SLC7A6: variants seen among roughly 807,000 people sequenced by gnomAD.
The protein encoded by SLC7A6 is solute carrier family 7 member 6.
SLC7A6 carries 29 observed loss-of-function variants against 46.6 expected under a neutral mutation model. That is an observed-to-expected ratio of 0.62 (90% CI 0.46 to 0.85). SLC7A6 has a LOEUF of 0.85. SLC7A6 is among the 40% of genes least tolerant of loss of function. The pLI is 0.00. For synonymous variants in SLC7A6, 276 were observed against 257.3 expected (o/e 1.07, Z -0.70); for missense variants, 527 against 647.6 (o/e 0.81, Z 2.02).
chr16:68,301,027 GT>G lies in SLC7A6; in HGVS notation c.*3708del, dbSNP rs904540749. ...CTAAAGAAACCTTCCTTTTTTCAAC[GT>G]TTTTTTTTCTTTCAAACTGTAGGGT... On this transcript the variant is annotated 3_prime_UTR_variant, in exon 11 of 11. Transcript: ENST00000219343. 34 of 1,145,246 alleles carry G rather than the reference GT, an allele frequency of 3.0e-5. No homozygotes were observed. The highest frequency in any genetic ancestry group is 1.4e-4 in the Admixed American group (3 of 21,170). 70.9% of individuals were successfully genotyped at this position (1,145,246 alleles called of 1,614,324 possible). A position where few individuals can be genotyped will look rare whatever the true frequency, so the allele number is the denominator to read the frequency against.
At chr16:68,282,769 C>T (rs1210896445) in intron 3 of SLC7A6, among the ~76,000 whole-genome samples, 1 of 152,122 alleles carries the variant, frequency 6.6e-6, no homozygotes, top group Non-Finnish European at 1.5e-5. Flanking sequence ...AGGCATACGC[C>T]ACTATGCCCA....
At chr16:68,277,241 C>G (rs1596978981) in intron 3 of SLC7A6, among the ~76,000 whole-genome samples, 1 of 151,656 alleles carries the variant, frequency 6.6e-6, no homozygotes, top group Admixed American at 6.6e-5. Context: ...CGCCCACCAC[C>G]ACGCCCAGCT....
At chr16:68,286,549 C>T (rs2042938716) in intron 3 of SLC7A6, among the ~76,000 whole-genome samples, 1 of 152,124 alleles carries the variant, frequency 6.6e-6, no homozygotes, top group Non-Finnish European at 1.5e-5. Flanking sequence ...ATTTGAGGTG[C>T]ACATAAAAGT....
intron 5 of SLC7A6, 125 bp from the exon 6 acceptor site, chr16:68,291,084 C>T: frequency 8.1e-7 from 1 of 1,232,390 alleles, no homozygotes; most frequent in Middle Eastern, 1.9e-4. Flanking sequence ...GGAAGGTGAG[C>T]CTCCCTCAAA....
chr16:68,275,170 C>G lies in SLC7A6; in HGVS notation c.444C>G (p.Ala148=). ...TGQAIIAITF[A]NYIIQPSFPS... ...AGGCCATCATCGCCATCACCTTTGC[C>G]AACTACATCATCCAGCCGTCCTTCC... Residue 148 remains alanine (A), a synonymous_variant, in exon 3 of 11, where the codon GCC becomes GCG. Coordinates refer to ENST00000219343, the MANE Select transcript of SLC7A6 (RefSeq NM_003983.6). The G allele has an allele frequency of 5.6e-6, 9 of 1,614,006 alleles. No individual in the cohort carries two copies. The highest frequency in any genetic ancestry group is 7.6e-6 in the Non-Finnish European group (9 of 1,180,016).
intron 3 of SLC7A6, 198 bp from the exon 4 acceptor site, chr16:68,287,548 G>A: frequency 6.9e-7 from 1 of 1,441,968 alleles, no homozygotes; most frequent in Admixed American, 2.4e-5. Context: ...AGCACCAGTA[G>A]TGATGGAAGT....
chr16:68,277,116 T>C (rs1391779044), intron 3 of SLC7A6, among the ~76,000 whole-genome samples: 2 of 151,918 alleles, frequency 1.3e-5, no homozygotes, highest in African/African-American at 4.8e-5. Context: ...AGATAGAGTC[T>C]TGCTCTGTCA....
chr16:68,274,136 C>T (rs527465345), intron 2 of SLC7A6, among the ~76,000 whole-genome samples: 2 of 152,190 alleles, frequency 1.3e-5, no homozygotes, highest in Non-Finnish European at 2.9e-5. Flanking sequence ...ATCTTCCTCG[C>T]CCTTCCCATC....
chr16:68,296,282 A>G, intron 8 of SLC7A6, 82 bp from the exon 9 acceptor site: 2 of 1,505,674 alleles, frequency 1.3e-6, no homozygotes, highest in Non-Finnish European at 1.8e-6. Flanking sequence ...CATCAGATCT[A>G]GTACTGACTG....
intron 1 of SLC7A6, among the ~76,000 whole-genome samples, chr16:68,266,216 C>T (rs534559071): frequency 5.3e-5 from 8 of 152,032 alleles, no homozygotes; most frequent in East Asian, 1.9e-4. Flanking sequence ...GCCAAGATTG[C>T]GCCATTGCAC....
chr16:68,286,454 G>T (rs1006567932), intron 3 of SLC7A6, among the ~76,000 whole-genome samples: 1 of 152,194 alleles, frequency 6.6e-6, no homozygotes, highest in Non-Finnish European at 1.5e-5. Context: ...GTAAGAGAGA[G>T]AGTCTGGCTG....
intron 5 of SLC7A6, chr16:68,291,001 T>G: frequency 1.7e-6 from 1 of 587,968 alleles, no homozygotes; most frequent in Non-Finnish European, 3.0e-6. Flanking sequence ...GTGGCAAAGA[T>G]TAAATATTGA....
intron 7 of SLC7A6, among the ~76,000 whole-genome samples, chr16:68,293,047 G>C (rs1394358979): frequency 1.3e-5 from 2 of 152,154 alleles, no homozygotes; most frequent in Non-Finnish European, 2.9e-5. Flanking sequence ...CTTTTTACTG[G>C]TTTTCACACA....
At position 68,291,992 on chromosome 16, in the gene SLC7A6, TTGTGTGCTGGTAGCTCATGTTTC is replaced by T. The variant is rs2043065270; in HGVS notation, c.1022+332_1022+354del. On this transcript the variant is annotated intron_variant, in intron 7 of 10. Coordinates refer to ENST00000219343, the MANE Select transcript of SLC7A6 (RefSeq NM_003983.6). ...TGTTTATGTGCTGGTAGCTCATGTTTTGTGTGCTGGTAGCTCATGTTTCCATCTGAGATGAGGACAGATTGATG... is the reference window on the plus strand; with the variant it reads ...TGTTTATGTGCTGGTAGCTCATGTTTCATCTGAGATGAGGACAGATTGATG... 54 of 268,436 alleles carry T rather than the reference TTGTGTGCTGGTAGCTCATGTTTC, an allele frequency of 2.0e-4. No individual in the cohort carries two copies. The South Asian group carries it at 3.0e-3, about 15-fold the overall frequency. The allele number at this position is 268,436 out of a possible 1,614,324, so 16.6% of individuals were successfully genotyped here.
chr16:68,287,242 T>C, intron 3 of SLC7A6: 1 of 1,069,294 alleles, frequency 9.4e-7, no homozygotes, highest in Non-Finnish European at 1.2e-6. Flanking sequence ...TTTCCCAAAG[T>C]GCTGGGATTA....
intron 2 of SLC7A6, among the ~76,000 whole-genome samples, chr16:68,271,742 A>G (rs1227283175): frequency 6.6e-6 from 1 of 152,186 alleles, no homozygotes; most frequent in Non-Finnish European, 1.5e-5. Context: ...GGTGTTTAGC[A>G]AAGAGGTAGG....
At position 68,300,752 on chromosome 16, in the gene SLC7A6, T is replaced by TA. The variant is rs1310765840; in HGVS notation, c.*3428dup. 1.0e-6 allele frequency: 1 copy of TA among 985,384 alleles called. No individual in the cohort carries two copies. Among genetic ancestry groups the TA allele is most frequent in the African/African-American group, 1.7e-5 (1 of 57,252 alleles). 61.0% of individuals were successfully genotyped at this position (985,384 alleles called of 1,614,324 possible). On this transcript the variant is annotated 3_prime_UTR_variant, in exon 11 of 11. Coordinates refer to ENST00000219343, the MANE Select transcript of SLC7A6 (RefSeq NM_003983.6). ...TTTGGAAGCAGAAATAGCTGTTAACTAAAATCTCCCACTGCTCAGACTACT... is the reference window on the plus strand; with the variant it reads ...TTTGGAAGCAGAAATAGCTGTTAACTAAAAATCTCCCACTGCTCAGACTACT...
At chr16:68,268,962 G>T (rs918823451) in intron 2 of SLC7A6, among the ~76,000 whole-genome samples, 1 of 151,934 alleles carries the variant, frequency 6.6e-6, no homozygotes, top group Admixed American at 6.6e-5. Flanking sequence ...AGCCAAGATC[G>T]CGTCATTGCA....
Position 68,301,355 on chromosome 16 carries a change from G to C in SLC7A6, c.*4027G>C. 2 of 1,614,172 alleles carry C rather than the reference G, an allele frequency of 1.2e-6. No individual in the cohort carries two copies. Among genetic ancestry groups the C allele is most frequent in the Non-Finnish European group, 1.7e-6 (2 of 1,180,016 alleles). ...AGAGGGTACTTGCTCCACATCCGCT[G>C]TCTGCTGCTGCCTCTTTCCTCCTCA... is the stretch of plus-strand genomic sequence containing the variant. On this transcript the variant is annotated 3_prime_UTR_variant, in exon 11 of 11. Coordinates refer to ENST00000219343, the MANE Select transcript of SLC7A6 (RefSeq NM_003983.6).
Sources: gnomAD v4.1 joint callset for allele counts (sites outside exome capture counted in the v4.1 genomes callset) on GRCh38, gnomAD v4.1.1 for gene constraint, MANE v1.5 for transcripts, NCBI Gene and HGNC (gene_info 2026-07-23, HGNC 2026-07-21) for gene names.